The following PRSS12 variants were observed in gnomAD, a reference collection of about 807,000 sequenced individuals.
PRSS12 encodes serine protease 12, also known as neurotrypsin.
PRSS12 carries 85 observed loss-of-function variants against 104.4 expected under a neutral mutation model. The observed-to-expected ratio is 0.81, with a 90% CI of 0.68 to 0.98. PRSS12 has a LOEUF of 0.98. PRSS12 is among the 50% of genes least tolerant of loss of function. The pLI, the probability that PRSS12 is intolerant of heterozygous loss-of-function variation, is 0.00. For missense variants in PRSS12, 1,141 were observed against 1,139.2 expected (o/e 1.00, Z -0.02); for synonymous variants, 454 against 425.2 (o/e 1.07, Z -0.83).
intron 8 of PRSS12, among the ~76,000 whole-genome samples, chr4:118,300,350 G>A (rs6825871): frequency 0.3 from 45,910 of 151,772 alleles, 7,312 homozygotes; most frequent in East Asian, 0.52. Context: ...AGAAAAATAG[G>A]AATCATGACT....
intron 8 of PRSS12, among the ~76,000 whole-genome samples, chr4:118,306,924 T>TA (rs1286503539): frequency 6.6e-6 from 1 of 152,054 alleles, no homozygotes; most frequent in African/African-American, 2.4e-5. Context: ...TTTCCAAAGG[T>TA]AATACTAGGT....
intron 8 of PRSS12, among the ~76,000 whole-genome samples, chr4:118,299,765 T>TAAATA (rs1258442709): frequency 0.061 from 4,715 of 77,104 alleles, 235 homozygotes; most frequent in East Asian, 0.17. Flanking sequence ...TAAATAAAAT[T>TAAATA]AAATAAAATA....
intron 4 of PRSS12, among the ~76,000 whole-genome samples, chr4:118,328,168 T>C (rs1479083772): frequency 6.6e-6 from 1 of 151,850 alleles, no homozygotes; most frequent in Non-Finnish European, 1.5e-5. Context: ...GAAAGAAGAG[T>C]CGTAGAGTAC....
In PRSS12 at chr4:118,352,590, G is replaced by C. The variant is rs749523092; in HGVS notation, c.131C>G (p.Pro44Arg). ...RHSPPAGPHY[P>R]YYLPTQQRPP... ...CCGCTGCTGGGTGGGAAGGTAATAG[G>C]GGTAGTGCGGACCCGCAGGGGGCGA... Residue 44 changes from proline to arginine, a missense_variant, in exon 1 of 13, where the codon CCC becomes CGC. Transcript: ENST00000296498. 1.9e-6 allele frequency: 3 copies of C among 1,603,304 alleles called. No homozygotes were observed. The highest frequency in any genetic ancestry group is 2.6e-6 in the Non-Finnish European group (3 of 1,175,210).
At chr4:118,340,154 G>A (rs886665230) in intron 1 of PRSS12, among the ~76,000 whole-genome samples, 5 of 152,138 alleles carry the variant, frequency 3.3e-5, no homozygotes, top group African/African-American at 1.2e-4. Context: ...GTATAATTAT[G>A]ACCATAACAA....
At chr4:118,288,056 A>C (rs1743049889) in intron 11 of PRSS12, among the ~76,000 whole-genome samples, 1 of 152,218 alleles carries the variant, frequency 6.6e-6, no homozygotes, top group Non-Finnish European at 1.5e-5. Flanking sequence ...TAAAAGTAGA[A>C]TTAATTCAGG....
At chr4:118,294,875 G>A in intron 11 of PRSS12, 64 bp downstream of exon 11, 7 of 1,602,714 alleles carry the variant, frequency 4.4e-6, no homozygotes, top group Non-Finnish European at 6.0e-6. Flanking sequence ...TGTAGAGCAT[G>A]AGGGGATTGG....
chr4:118,288,227 G>A (rs1743053466), intron 11 of PRSS12, among the ~76,000 whole-genome samples: 1 of 152,154 alleles, frequency 6.6e-6, no homozygotes, highest in Non-Finnish European at 1.5e-5. Flanking sequence ...TATGTAAATG[G>A]TTCCAATTGC....
chr4:118,292,260 T>A (rs1161063052), intron 11 of PRSS12, among the ~76,000 whole-genome samples: 1 of 152,186 alleles, frequency 6.6e-6, no homozygotes, highest in African/African-American at 2.4e-5. Context: ...GATAAGCATC[T>A]GTCAATTCCA....
chr4:118,352,329 C>T lies in PRSS12; in HGVS notation c.392G>A (p.Arg131Gln). 1.3e-6 allele frequency: 2 copies of T among 1,588,866 alleles called. No homozygotes were observed. Among genetic ancestry groups the T allele is most frequent in the Non-Finnish European group, 1.7e-6 (2 of 1,171,822 alleles). ...CCGACAAAAGTTGTGGCGCTGTCCTCGCAGCTGAGCCCAGCTCGCTGGGGG... is the reference window on the plus strand; with the variant it reads ...CCGACAAAAGTTGTGGCGCTGTCCTTGCAGCTGAGCCCAGCTCGCTGGGGG... ...RSPPASWAQL[R>Q]GQRHNFCRSP... The change falls in exon 1 of 13, where the codon CGA becomes CAA. Residue 131 changes from arginine to glutamine, a missense_variant. Transcript: ENST00000296498.
Position 118,316,231 on chromosome 4 carries a change from C to A in PRSS12, c.1243G>T (p.Gly415Cys). The A allele has an allele frequency of 6.2e-7, 1 of 1,614,104 alleles. No individual in the cohort carries two copies. Among genetic ancestry groups the A allele is most frequent in the Non-Finnish European group, 8.5e-7 (1 of 1,180,014 alleles). Reference sequence around the variant, plus strand: ...ACGTATGTATTCAGCTCAGTCCAGCCATCATCACAGACAGTTCCCCACTGG... The same window carrying A: ...ACGTATGTATTCAGCTCAGTCCAGCAATCATCACAGACAGTTCCCCACTGG... ...RGQWGTVCDD[G>C]WTELNTYVVC... is the part of the protein sequence containing the mutation. The change falls in exon 6 of 13, where the codon GGC becomes TGC. Residue 415 changes from glycine to cysteine, a missense_variant. By Grantham distance (159) the Gly-to-Cys change is radical. Transcript: ENST00000296498.
At chr4:118,328,154 T>C (rs886845474) in intron 4 of PRSS12, among the ~76,000 whole-genome samples, 6 of 152,126 alleles carry the variant, frequency 3.9e-5, no homozygotes, top group Non-Finnish European at 5.9e-5. Context: ...AAACAAATTA[T>C]AGAGAAAGAA....
At chr4:118,342,430 C>T (rs781190812) in intron 1 of PRSS12, among the ~76,000 whole-genome samples, 8 of 152,206 alleles carry the variant, frequency 5.3e-5, no homozygotes, top group Non-Finnish European at 7.3e-5. Flanking sequence ...CCCTGGACCA[C>T]ACCGGAGTGT....
At chr4:118,331,623 G>A in intron 4 of PRSS12, 93 bp downstream of exon 4, 4 of 1,527,726 alleles carry the variant, frequency 2.6e-6, no homozygotes, top group Non-Finnish European at 3.6e-6. Context: ...TTTGTTCAAG[G>A]AAATGTGCAA....
At chr4:118,294,508 A>G (rs903841311) in intron 11 of PRSS12, among the ~76,000 whole-genome samples, 4 of 152,222 alleles carry the variant, frequency 2.6e-5, no homozygotes, top group Non-Finnish European at 5.9e-5. Flanking sequence ...GAAACCAAGA[A>G]TGAAACATAT....
At chr4:118,314,581 C>CA (rs1322469406) in intron 6 of PRSS12, among the ~76,000 whole-genome samples, 4 of 151,936 alleles carry the variant, frequency 2.6e-5, no homozygotes, top group South Asian at 2.1e-4. Context: ...TGCATTTGTA[C>CA]AAAAAAACCC....
chr4:118,320,738 G>A (rs1239714914), intron 4 of PRSS12, among the ~76,000 whole-genome samples: 2 of 152,128 alleles, frequency 1.3e-5, no homozygotes, highest in African/African-American at 2.4e-5. Context: ...GGGTGACACA[G>A]AGAAATCCTG....
At position 118,316,342 on chromosome 4, in the gene PRSS12, A is replaced by T; in HGVS notation, c.1151-19T>A. 6.2e-7 allele frequency: 1 copy of T among 1,613,918 alleles called. No individual in the cohort carries two copies. Among genetic ancestry groups the T allele is most frequent in the Non-Finnish European group, 8.5e-7 (1 of 1,179,980 alleles). Reference sequence around the variant, plus strand: ...ACCCCATCTGTGATAAAGAGGAGACACAGAGACTAAGCAAATCAACTTTCA... The same window carrying T: ...ACCCCATCTGTGATAAAGAGGAGACTCAGAGACTAAGCAAATCAACTTTCA... On this transcript the variant is annotated intron_variant, in intron 5 of 12. Coordinates refer to ENST00000296498, the MANE Select transcript of PRSS12 (RefSeq NM_003619.4).
intron 4 of PRSS12, among the ~76,000 whole-genome samples, chr4:118,325,271 TG>T (rs1297818456): frequency 6.7e-6 from 1 of 149,926 alleles, no homozygotes; most frequent in East Asian, 2.0e-4. Flanking sequence ...AAACTACCTA[TG>T]GGTACTATGC....
Sources: gnomAD v4.1 joint callset for allele counts (sites outside exome capture counted in the v4.1 genomes callset) on GRCh38, gnomAD v4.1.1 for gene constraint, MANE v1.5 for transcripts, NCBI Gene and HGNC (gene_info 2026-07-23, HGNC 2026-07-21) for gene names.